The following CYRIB variants were observed in gnomAD, a reference collection of about 807,000 sequenced individuals.
CYRIB encodes CYFIP-related Rac1 interactor B.
Under a neutral mutation model 44.2 loss-of-function variants are expected in CYRIB, and 8 were observed. The observed-to-expected ratio is 0.18, with a 90% confidence interval of 0.11 to 0.33. CYRIB has a LOEUF of 0.33. Ranked by LOEUF, CYRIB falls within the 10% of genes least tolerant of loss-of-function variation. CYRIB has a pLI of 1.00. For missense variants in CYRIB, 185 were observed against 382.8 expected (o/e 0.48, Z 4.31); for synonymous variants, 131 against 127.2 (o/e 1.03, Z -0.20).
chr8:130,003,357 T>C (rs2096952746), intron 1 of CYRIB, among the ~76,000 whole-genome samples: 1 of 152,226 alleles, frequency 6.6e-6, no homozygotes, highest in Admixed American at 6.5e-5. Flanking sequence ...GCTCTGGACA[T>C]CAATTGCAAT....
upstream of CYRIB, among the ~76,000 whole-genome samples, chr8:129,942,112 A>T (rs993181597): frequency 1.3e-5 from 2 of 152,160 alleles, no homozygotes; most frequent in Admixed American, 1.3e-4. Context: ...AGGCTGAAGC[A>T]GGTGGATCAC....
intron 2 of CYRIB, among the ~76,000 whole-genome samples, chr8:129,960,312 C>T (rs529721683): frequency 1.3e-5 from 2 of 152,290 alleles, no homozygotes; most frequent in African/African-American, 2.4e-5. Flanking sequence ...TAACAAATCA[C>T]GATCAGGCGC....
At chr8:129,854,287 A>G (rs1261217932) in exon 7 of CYRIB, 1 of 1,611,120 alleles carries the variant, frequency 6.2e-7, no homozygotes, top group Admixed American at 1.7e-5. Context: ...TAATCCTCAT[A>G]CGACTCAATG....
At chr8:129,949,735 G>A (rs2094403950) in intron 2 of CYRIB, among the ~76,000 whole-genome samples, 2 of 152,010 alleles carry the variant, frequency 1.3e-5, no homozygotes, top group South Asian at 4.1e-4. Flanking sequence ...AAAATTAGCA[G>A]GGCGTGGTGG....
intron 2 of CYRIB, among the ~76,000 whole-genome samples, chr8:129,885,072 TATA>T (rs753512701): frequency 2.0e-5 from 3 of 152,242 alleles, no homozygotes; most frequent in Non-Finnish European, 2.9e-5. Flanking sequence ...CTACAATTAC[TATA>T]ATATTTCCTC....
intron 1 of CYRIB, among the ~76,000 whole-genome samples, chr8:130,011,156 C>G (rs2097203794): frequency 6.6e-6 from 1 of 152,104 alleles, no homozygotes; most frequent in South Asian, 2.1e-4. Context: ...TGTGTGCTCC[C>G]CGGGGGGACT....
intron 2 of CYRIB, among the ~76,000 whole-genome samples, chr8:129,957,432 C>T (rs2094916102): frequency 6.6e-6 from 1 of 152,222 alleles, no homozygotes; most frequent in African/African-American, 2.4e-5. Context: ...AATCAGTTAT[C>T]ATCAGTAATA....
chr8:129,847,446 A>G (rs912334968), intron 10 of CYRIB: 2 of 152,336 alleles, frequency 1.3e-5, no homozygotes, highest in Non-Finnish European at 2.9e-5. Context: ...CCTGGGTGAC[A>G]GAGCGAGACT....
At chr8:129,920,885 A>G (rs1319079179) in intron 1 of CYRIB, among the ~76,000 whole-genome samples, 4 of 152,206 alleles carry the variant, frequency 2.6e-5, no homozygotes, top group African/African-American at 9.6e-5. Flanking sequence ...CTACAGAGAT[A>G]GATTTCTTGA....
At chr8:129,991,069 T>C (rs1015019681) in intron 1 of CYRIB, among the ~76,000 whole-genome samples, 2 of 143,814 alleles carry the variant, frequency 1.4e-5, no homozygotes, top group Non-Finnish European at 3.0e-5. Context: ...GAGGTGAGGG[T>C]TGCAGTGAGC....
intron 11 of CYRIB, 117 bp downstream of exon 13, chr8:129,846,687 C>A (rs987140260): frequency 4.5e-6 from 3 of 665,142 alleles, no homozygotes; most frequent in Non-Finnish European, 7.6e-6. Context: ...CTTCATATTT[C>A]TAGCTTGAAC....
chr8:129,927,377 C>T (rs556263239), intron 1 of CYRIB, among the ~76,000 whole-genome samples: 4 of 152,270 alleles, frequency 2.6e-5, no homozygotes, highest in African/African-American at 9.6e-5. Flanking sequence ...GAAAAATGCA[C>T]TCATAGTTCT....
intron 2 of CYRIB, 82 bp from the exon 5 acceptor site, chr8:129,879,553 CAG>C (rs1164028372): frequency 1.2e-5 from 12 of 1,038,088 alleles, no homozygotes; most frequent in Non-Finnish European, 1.7e-5. Context: ...AAAATAGTAA[CAG>C]GGAAAATGTT....
intron 1 of CYRIB, among the ~76,000 whole-genome samples, chr8:129,977,672 C>T (rs1172959578): frequency 3.3e-5 from 5 of 152,048 alleles, no homozygotes; most frequent in African/African-American, 9.7e-5. Context: ...GCCGGGACTA[C>T]AGGCGCCCGC....
intron 6 of CYRIB, among the ~76,000 whole-genome samples, chr8:129,855,159 GAC>G: frequency 6.6e-6 from 1 of 152,146 alleles, no homozygotes; most frequent in East Asian, 1.9e-4. Context: ...AGACTGCTGA[GAC>G]ATGTGGATCA....
chr8:129,976,710 T>A (rs773697142), intron 1 of CYRIB, among the ~76,000 whole-genome samples: 2 of 152,224 alleles, frequency 1.3e-5, no homozygotes, highest in Non-Finnish European at 2.9e-5. Flanking sequence ...GGAAGGTGAT[T>A]CTTAATGTTT....
At chr8:129,885,864 C>T (rs953943537) in intron 2 of CYRIB, among the ~76,000 whole-genome samples, 6 of 151,952 alleles carry the variant, frequency 3.9e-5, no homozygotes, top group Non-Finnish European at 7.4e-5. Context: ...AAGAAGAAAA[C>T]CACAAAAACC....
At chr8:129,901,621 A>T (rs1189557187) in intron 2 of CYRIB, 1 of 152,224 alleles carries the variant, frequency 6.6e-6, no homozygotes, top group African/African-American at 2.4e-5. Flanking sequence ...TAATATGGGG[A>T]GTCCATAGAG....
At chr8:129,882,844 C>T (rs2061290569) in intron 2 of CYRIB, among the ~76,000 whole-genome samples, 1 of 152,130 alleles carries the variant, frequency 6.6e-6, no homozygotes, top group African/African-American at 2.4e-5. Context: ...GACCTATTTG[C>T]TCTCATAAGG....
Sources: gnomAD v4.1 joint callset for allele counts (sites outside exome capture counted in the v4.1 genomes callset) on GRCh38, gnomAD v4.1.1 for gene constraint, MANE v1.5 for transcripts, NCBI Gene and HGNC (gene_info 2026-07-23, HGNC 2026-07-21) for gene names.